ASB12: variants seen among roughly 807,000 people sequenced by gnomAD.
ASB12 encodes the protein ankyrin repeat and SOCS box containing 12.
ASB12 carries 17 observed loss-of-function variants against 13.7 expected under a neutral mutation model. The ratio of observed to expected loss-of-function variants is 1.24; its 90% CI spans 0.85 to 1.86. The LOEUF (loss-of-function observed/expected upper bound fraction) is 1.86. ASB12 is among the 40% of genes most tolerant of loss of function. The pLI is 0.00. For synonymous variants in ASB12, 107 were observed against 99.8 expected (o/e 1.07, Z -0.43); for missense variants, 329 against 250.5 (o/e 1.31, Z -2.11).
At chrX:64,226,437 C>A (rs916467131) in intron 1 of ASB12, among the ~76,000 whole-genome samples, 1 of 112,076 alleles carries the variant, frequency 8.9e-6, no homozygotes, top group African/African-American at 3.2e-5. Context: ...GAACATATTT[C>A]AAGTAAAATG....
At chrX:64,229,467 A>G (rs1224100804) in intron 1 of ASB12, among the ~76,000 whole-genome samples, 1 of 111,958 alleles carries the variant, frequency 8.9e-6, no homozygotes, top group Admixed American at 9.5e-5. Flanking sequence ...AAGAGTTACT[A>G]TGTGCCTGTT....
Position 64,224,921 on chromosome X carries a change from T to C in ASB12, c.730A>G (p.Ile244Val), listed in dbSNP as rs1291724909. The change falls in exon 2 of 3, where the codon ATC becomes GTC. Residue 244 changes from isoleucine (I) to valine (V), a missense_variant. By Grantham distance (29) the Ile-to-Val change is conservative (BLOSUM62 3). Transcript: ENST00000362002. ...NCEPEYIQLL[I>V]DFGANIYLPS... Reference sequence around the variant, plus strand: ...AGGTAGATATTAGCACCAAAATCGATTAACAGCTGGATATACTCTGGCTCA... The same window carrying C: ...AGGTAGATATTAGCACCAAAATCGACTAACAGCTGGATATACTCTGGCTCA... 1.7e-6 allele frequency: 2 copies of C among 1,209,204 alleles called. No homozygotes were observed. The highest frequency in any genetic ancestry group is 2.2e-6 in the Non-Finnish European group (2 of 894,898).
Position 64,224,812 on chromosome X carries a change from C to A in ASB12, c.823+16G>T, listed in dbSNP as rs1257732953. 1 of 1,169,542 alleles carries A rather than the reference C, an allele frequency of 8.6e-7. No individual in the cohort carries two copies. Among genetic ancestry groups the A allele is most frequent in the South Asian group, 2.0e-5 (1 of 50,068 alleles). On this transcript the variant is annotated intron_variant, in intron 2 of 2. Transcript: ENST00000362002. ...CAAGCCAGGTGGCCTATGAGGCTGG[C>A]CTGTTCACCACTCACCTCGGGCCTG... is the stretch of plus-strand genomic sequence containing the variant.
intron 2 of ASB12, among the ~76,000 whole-genome samples, 155 bp downstream of exon 2, chrX:64,224,673 T>C (rs755065634): frequency 2.4e-5 from 2 of 82,716 alleles, no homozygotes; most frequent in Non-Finnish European, 4.4e-5. Flanking sequence ...TTCTCTAACA[T>C]GGAATACATA....
rs754029861 is a variant in ASB12, at chrX:64,225,152, C to T, written c.499G>A (p.Val167Ile). 2.0e-5 allele frequency: 24 copies of T among 1,209,393 alleles called. No individual in the cohort carries two copies. The East Asian group carries it at 2.1e-4, about 10-fold the overall frequency. Residue 167 changes from valine to isoleucine, a missense_variant, in exon 2 of 3, where the codon GTC becomes ATC. Val to Ile is a conservative substitution (Grantham distance 29, BLOSUM62 3). Transcript: ENST00000362002. ...ELLDHGAEAN[V>I]KAKLPVWASN... ...GCCCAGACTGGTAGTTTAGCTTTGA[C>T]GTTGGCCTCTGCACCATGGTCTAGG...
chrX:64,225,990 T>A (rs775620810), intron 1 of ASB12, among the ~76,000 whole-genome samples: 1 of 112,643 alleles, frequency 8.9e-6, no homozygotes, highest in South Asian at 3.6e-4. Context: ...CTATGAACTT[T>A]CACACCACAT....
intron 1 of ASB12, 70 bp from the exon 2 acceptor site, chrX:64,225,744 A>T: frequency 1.9e-6 from 2 of 1,044,917 alleles, no homozygotes; most frequent in Non-Finnish European, 2.5e-6. Flanking sequence ...CGCTCCTTGA[A>T]ATCTCCCTCC....
intron 2 of ASB12, 31 bp from the exon 3 acceptor site, chrX:64,224,499 C>A (rs747066776): frequency 8.4e-7 from 1 of 1,184,107 alleles, no homozygotes; most frequent in Non-Finnish European, 1.1e-6. Flanking sequence ...TCATGAGGAG[C>A]AATTATCAGC....
intron 1 of ASB12, among the ~76,000 whole-genome samples, chrX:64,225,882 C>T (rs1930940916): frequency 8.9e-6 from 1 of 112,150 alleles, no homozygotes; most frequent in Admixed American, 9.4e-5. Flanking sequence ...CCTTTGCATA[C>T]ACTCTTCTGC....
In ASB12 at chrX:64,225,102, G is replaced by T; in HGVS notation, c.549C>A (p.Gly183=). The part of the protein sequence containing the change: ...VWASNIASCS[G]PLYLAAVYGH... ...CGTAGACTGCGGCCAAATAGAGGGG[G>T]CCAGAACATGAAGCTATGTTTGATG... Residue 183 remains glycine (G), a synonymous_variant, in exon 2 of 3, where the codon GGC becomes GGA. Transcript: ENST00000362002. 3 of 1,211,421 alleles carry T rather than the reference G, an allele frequency of 2.5e-6. No individual in the cohort carries two copies. The highest frequency in any genetic ancestry group is 1.8e-5 in the South Asian group (1 of 56,924).
intron 1 of ASB12, 105 bp from the exon 2 acceptor site, chrX:64,225,779 A>G (rs1930938804): frequency 2.1e-6 from 2 of 932,110 alleles, no homozygotes; most frequent in Non-Finnish European, 2.9e-6. Context: ...CTACTCATTC[A>G]TGGGTCTCCT....
chrX:64,224,223 A>G lies in ASB12; in HGVS notation c.*112T>C, dbSNP rs963944884. ...TTTCTGGAGAATTTTATTGTGGAGG[A>G]TAATACAGGAGAGCAGCTCCAGGTA... On this transcript the variant is annotated 3_prime_UTR_variant, in exon 3 of 3. Transcript: ENST00000362002. 3 of 869,278 alleles carry G rather than the reference A, an allele frequency of 3.5e-6. No homozygotes were observed. In the African/African-American group the frequency reaches 6.0e-5, roughly 17 times the overall value. 71.6% of individuals were successfully genotyped at this position (869,278 alleles called of 1,213,427 possible).
At chrX:64,230,368 G>A (rs1010181784) in intron 1 of ASB12, 95 bp downstream of exon 1, 4 of 111,257 alleles carry the variant, frequency 3.6e-5, no homozygotes, top group African/African-American at 1.3e-4. Flanking sequence ...CCCAGACCCA[G>A]CGGAAACAGC....
In ASB12 at chrX:64,224,831, G is replaced by T; in HGVS notation, c.820C>A (p.Arg274=). ...GGCTGGCCTGTTCACCACTCACCTC[G>T]GGCCTGTAGCAGCAATGCAATGCCT... ...DKGIALLLQA[R]ATPRSLLSQV... Residue 274 remains arginine (R), a synonymous_variant, in exon 2 of 3, where the codon CGA becomes AGA. Transcript: ENST00000362002. The T allele has an allele frequency of 8.5e-7, 1 of 1,179,848 alleles. No individual in the cohort carries two copies. Among genetic ancestry groups the T allele is most frequent in the Non-Finnish European group, 1.1e-6 (1 of 877,253 alleles).
At position 64,225,238 on chromosome X, in the gene ASB12, T is replaced by C. The variant is rs1602082125; in HGVS notation, c.413A>G (p.Asn138Ser). The C allele has an allele frequency of 2.5e-6, 3 of 1,211,180 alleles. No homozygotes were observed. Among genetic ancestry groups the C allele is most frequent in the Non-Finnish European group, 2.2e-6 (2 of 895,300 alleles). Residue 138 changes from asparagine to serine, a missense_variant, in exon 2 of 3, where the codon AAC becomes AGC. Physicochemically the swap from Asn to Ser is conservative, Grantham distance 46. Coordinates refer to ENST00000362002, the MANE Select transcript of ASB12 (RefSeq NM_130388.4). ...AGASPGGSIYNNCSPVLTAAR... is the reference protein window; with the variant it reads ...AGASPGGSIYSNCSPVLTAAR... ...AGCTGTGAGCACGGGAGAACAGTTG[T>C]TGTAGATGCTACCACCAGGAGAGGC...
chrX:64,224,611 C>G, intron 2 of ASB12, 143 bp from the exon 3 acceptor site: 1 of 860,516 alleles, frequency 1.2e-6, no homozygotes. Flanking sequence ...GAGCCAGAAC[C>G]AGAAATTGGG....
At chrX:64,229,156 G>A (rs772784876) in intron 1 of ASB12, among the ~76,000 whole-genome samples, 2 of 111,862 alleles carry the variant, frequency 1.8e-5, no homozygotes, top group African/African-American at 6.5e-5. Flanking sequence ...GGTAATGGAA[G>A]GTTCCTTTAC....
chrX:64,229,990 C>G (rs1392135312), intron 1 of ASB12, among the ~76,000 whole-genome samples: 2 of 111,360 alleles, frequency 1.8e-5, no homozygotes, highest in Non-Finnish European at 1.9e-5. Context: ...TTAAGTACTC[C>G]CACAGGAAAG....
In ASB12 at chrX:64,229,569, C is replaced by G. The variant is rs957937700; in HGVS notation, c.-25+894G>C. On this transcript the variant is annotated intron_variant, in intron 1 of 2. Transcript: ENST00000362002. The stretch of plus-strand genomic sequence containing the variant: ...GGTTCCTGTGACAAACTAGCAAAGT[C>G]TGTAAACACCTTTCAGAATGGTTTT... Among the ~76,000 whole-genome samples the G allele has an allele frequency of 3.0e-4, 34 of 112,041 alleles. 1 individual carries two copies. Among genetic ancestry groups the G allele is most frequent in the Admixed American group, 3.0e-3 (32 of 10,596 alleles).
Sources: allele counts gnomAD v4.1 joint callset (sites outside exome capture counted in the v4.1 genomes callset), GRCh38; gene constraint gnomAD v4.1.1; transcripts MANE v1.5; gene names NCBI Gene and HGNC (gene_info 2026-07-23, HGNC 2026-07-21).